Variants in KIF3B observed in about 807,000 individuals in gnomAD.
KIF3B encodes kinesin family member 3B.
KIF3B carries 38 observed loss-of-function variants against 74.3 expected under a neutral mutation model. The observed-to-expected ratio is 0.51, with a 90% CI of 0.39 to 0.67. The LOEUF (loss-of-function observed/expected upper bound fraction) is 0.67. Among genes scored for constraint, KIF3B ranks in the 30% least tolerant of loss-of-function variants. KIF3B has a pLI of 0.00. For synonymous variants in KIF3B, 326 were observed against 342.5 expected, an observed-to-expected ratio of 0.95 and a Z score of 0.53; for missense variants, 649 against 932.0, an observed-to-expected ratio of 0.70 and a Z score of 3.95.
chr20:32,289,648 A>T (rs1450890668), intron 1 of KIF3B, among the ~76,000 whole-genome samples: 1 of 152,202 alleles, frequency 6.6e-6, no homozygotes, highest in South Asian at 2.1e-4. Flanking sequence ...ATAACAAGTG[A>T]TACTGATTTT....
rs57355936 is a variant in KIF3B at position 32,278,921 on chromosome 20, CTTTTTTTT to C, written c.-66+1169_-66+1176del. ...AAAGGGAAGGACCTGCTTAAGAATC[CTTTTTTTT>C]TTTTTTTTTTTTGAGACAGAGTCTT... On this transcript the variant is annotated intron_variant, in intron 1 of 8. Coordinates refer to ENST00000375712, the MANE Select transcript of KIF3B (RefSeq NM_004798.4). 6.8e-5 allele frequency among the ~76,000 whole-genome samples: 8 copies of C among 118,410 alleles called. No homozygotes were observed. In the East Asian group the frequency reaches 1.4e-3, roughly 20 times the overall value. 77.7% of individuals were successfully genotyped at this position (118,410 alleles called of 152,430 possible).
rs780549895 is a variant in KIF3B at position 32,330,113 on chromosome 20, C to T, written c.1969-28C>T. On this transcript the variant is annotated intron_variant, in intron 7 of 8. Coordinates refer to ENST00000375712, the MANE Select transcript of KIF3B (RefSeq NM_004798.4). ...TGCCTGTGTCCAGTTGGAGGCTAAC[C>T]TAGCTGGTGATGGCTGTGCTTCTGC... 4 of 1,598,540 alleles carry T rather than the reference C, an allele frequency of 2.5e-6. No individual in the cohort carries two copies. In the Admixed American group the frequency reaches 5.2e-5, roughly 21 times the overall value.
At chr20:32,283,361 G>A (rs912822482) in intron 1 of KIF3B, among the ~76,000 whole-genome samples, 2 of 152,040 alleles carry the variant, frequency 1.3e-5, no homozygotes, top group Non-Finnish European at 1.5e-5. Context: ...AAAATTAGCT[G>A]GGCGTGGTGG....
chr20:32,322,750 A>ATT (rs1555896703), intron 5 of KIF3B, among the ~76,000 whole-genome samples: 2 of 40,264 alleles, frequency 5.0e-5, no homozygotes, highest in Non-Finnish European at 7.1e-5. Context: ...ATTTATTTAT[A>ATT]TATATATTTA....
rs191210362 is a variant in KIF3B at position 32,281,804 on chromosome 20, C to T, written c.-66+4039C>T. 7.0e-4 allele frequency among the ~76,000 whole-genome samples: 107 copies of T among 152,276 alleles called. 1 individual carries two copies. The highest frequency in any genetic ancestry group is 6.9e-4 in the Non-Finnish European group (47 of 68,026). ...TTTTGCTGAGATTTGCTCCCAGGGA[C>T]GGGCCAGCCATTTGAAGACATGTCA... On this transcript the variant is annotated intron_variant, in intron 1 of 8. Transcript: ENST00000375712.
intron 7 of KIF3B, among the ~76,000 whole-genome samples, chr20:32,328,453 A>G (rs1218178579): frequency 6.6e-6 from 1 of 151,492 alleles, no homozygotes; most frequent in Non-Finnish European, 1.5e-5. Flanking sequence ...TAAAAACACA[A>G]AAATTAGCCG....
intron 2 of KIF3B, among the ~76,000 whole-genome samples, chr20:32,314,175 T>G (rs145119500): frequency 2.6e-5 from 4 of 152,332 alleles, no homozygotes; most frequent in Admixed American, 2.0e-4. Flanking sequence ...ACTGCATCTC[T>G]TAGACATTTT....
At chr20:32,293,009 C>G (rs2047700569) in intron 1 of KIF3B, among the ~76,000 whole-genome samples, 1 of 152,146 alleles carries the variant, frequency 6.6e-6, no homozygotes, top group Admixed American at 6.5e-5. Flanking sequence ...AATCCCAGCA[C>G]TTTGGGAGGC....
Position 32,330,175 on chromosome 20 carries a change from C to G in KIF3B, c.2003C>G (p.Pro668Arg). The change falls in exon 8 of 9, where the codon CCC becomes CGC. Residue 668 changes from proline (P) to arginine (R), a missense_variant. Coordinates refer to ENST00000375712, the MANE Select transcript of KIF3B (RefSeq NM_004798.4). ...ENIVLLELDM[P>R]SRTTRDYEGP... Reference sequence around the variant, plus strand: ...ATTGTGCTGTTAGAGCTGGACATGCCCAGCCGGACCACCAGAGACTATGAG... The same window carrying G: ...ATTGTGCTGTTAGAGCTGGACATGCGCAGCCGGACCACCAGAGACTATGAG... 1 of 1,613,862 alleles carries G rather than the reference C, an allele frequency of 6.2e-7. No individual in the cohort carries two copies. Among genetic ancestry groups the G allele is most frequent in the Non-Finnish European group, 8.5e-7 (1 of 1,179,914 alleles).
intron 1 of KIF3B, among the ~76,000 whole-genome samples, chr20:32,287,755 TTCTC>T (rs1269965048): frequency 4.6e-5 from 7 of 152,088 alleles, no homozygotes; most frequent in Admixed American, 1.3e-4. Context: ...GAATATCTCC[TTCTC>T]TCTCAGCCTC....
At position 32,328,351 on chromosome 20, in the gene KIF3B, C is replaced by T. The variant is rs906545170; in HGVS notation, c.1968+690C>T. Among the ~76,000 whole-genome samples the T allele has an allele frequency of 3.4e-5, 5 of 147,578 alleles. No homozygotes were observed. The South Asian group carries it at 6.6e-4, about 19-fold the overall frequency. On this transcript the variant is annotated intron_variant, in intron 7 of 8. Transcript: ENST00000375712. Reference sequence around the variant, plus strand: ...AGGCAGGAGAATGGCGTGAACCCAGCGGGTGGAGCTTGCAGTGAGCCAAGA... The same window carrying T: ...AGGCAGGAGAATGGCGTGAACCCAGTGGGTGGAGCTTGCAGTGAGCCAAGA...
rs1054649511 is a variant in KIF3B at position 32,310,435 on chromosome 20, G to A, written c.658G>A (p.Val220Ile). 3.7e-6 allele frequency: 6 copies of A among 1,614,000 alleles called. No homozygotes were observed. Among genetic ancestry groups the A allele is most frequent in the South Asian group, 1.1e-5 (1 of 91,090 alleles). Residue 220 changes from valine (V) to isoleucine (I), a missense_variant, in exon 2 of 9, where the codon GTT (valine) becomes ATT (isoleucine). Physicochemically the swap from Val to Ile is conservative, Grantham distance 29. Transcript: ENST00000375712. This position sits in a 1 kb window ranked among gnomAD's most constrained non-coding sequence, Gnocchi z 6.5. ...CAGCTCGCGTTCTCATGCAATTTTC[G>A]TTATCACTATTGAGTGCAGCGAGGT... ...EHSSRSHAIF[V>I]ITIECSEVGL...
chr20:32,303,937 C>A (rs2047756762), intron 1 of KIF3B, among the ~76,000 whole-genome samples: 1 of 151,550 alleles, frequency 6.6e-6, no homozygotes, highest in Non-Finnish European at 1.5e-5. Flanking sequence ...CATCCTTAAT[C>A]TCTGGAATGA....
At chr20:32,285,099 C>A (rs75986864) in intron 1 of KIF3B, among the ~76,000 whole-genome samples, 1,568 of 100,752 alleles carry the variant, frequency 0.016, no homozygotes, top group African/African-American at 0.017. Context: ...AAATGATGAC[C>A]AAAAAAAAAA....
At chr20:32,305,658 C>G (rs1000761435) in intron 1 of KIF3B, among the ~76,000 whole-genome samples, 1 of 146,076 alleles carries the variant, frequency 6.8e-6, no homozygotes, top group Non-Finnish European at 1.5e-5. Flanking sequence ...TCTTGGCTCA[C>G]TGCAGCCTCC....
At chr20:32,325,824 C>A (rs1420566719) in intron 5 of KIF3B, among the ~76,000 whole-genome samples, 1 of 151,764 alleles carries the variant, frequency 6.6e-6, no homozygotes, top group Non-Finnish European at 1.5e-5. Flanking sequence ...CCTACTACCA[C>A]ACACAGCTAA....
intron 5 of KIF3B, among the ~76,000 whole-genome samples, chr20:32,322,223 C>G (rs2047863528): frequency 6.6e-6 from 1 of 151,978 alleles, no homozygotes; most frequent in Non-Finnish European, 1.5e-5. Flanking sequence ...AATTCTTACA[C>G]TTTTGTTAAA....
intron 1 of KIF3B, among the ~76,000 whole-genome samples, chr20:32,307,218 A>G (rs1446476139): frequency 6.6e-6 from 1 of 152,146 alleles, no homozygotes; most frequent in Non-Finnish European, 1.5e-5. Flanking sequence ...CTGCATTGAC[A>G]CATTATCACC....
At chr20:32,294,207 G>C (rs2047706042) in intron 1 of KIF3B, among the ~76,000 whole-genome samples, 1 of 152,226 alleles carries the variant, frequency 6.6e-6, no homozygotes, top group Non-Finnish European at 1.5e-5. Flanking sequence ...ATGCCAAAAA[G>C]AGTTTCTTTT....
Sources: allele counts gnomAD v4.1 joint callset (sites outside exome capture counted in the v4.1 genomes callset), GRCh38; gene constraint gnomAD v4.1.1; non-coding constraint Gnocchi (gnomAD v3.1); transcripts MANE v1.5; gene names NCBI Gene and HGNC (gene_info 2026-07-23, HGNC 2026-07-21).